Variants in ZNF74 observed in about 807,000 individuals in gnomAD.
ZNF74 encodes zinc finger protein 520.
In ZNF74, 12 loss-of-function variants were observed where a neutral mutation model predicts 17.7. That is an observed-to-expected ratio of 0.68 (90% CI 0.43 to 1.10). ZNF74 has a LOEUF of 1.10. Among genes scored for constraint, ZNF74 ranks in the 50% least tolerant of loss-of-function variants. The probability of loss-of-function intolerance (pLI) is 0.00; values close to 1 mark genes in which losing one functional copy is unlikely to be tolerated. For synonymous variants in ZNF74, 358 were observed against 362.1 expected, an observed-to-expected ratio of 0.99 and a Z score of 0.13; for missense variants, 811 against 881.0, an observed-to-expected ratio of 0.92 and a Z score of 1.01.
rs1186650577 is a variant in ZNF74 at position 20,405,552 on chromosome 22, C to A, written c.519C>A (p.Asp173Glu). The A allele has an allele frequency of 1.2e-6, 2 of 1,608,176 alleles. No homozygotes were observed. The highest frequency in any genetic ancestry group is 1.3e-5 in the African/African-American group (1 of 74,880). ...CGCCCGCACCTGCCATGGTCTGGGA[C>A]GTCCCTGTAGAGGAATTCCCCCTCA... ...PWAPAPAMVW[D>E]VPVEEFPLRC... is the part of the protein sequence containing the mutation. Residue 173 changes from aspartate (D) to glutamate (E), a missense_variant, in exon 5 of 5, where the codon GAC becomes GAA. Physicochemically the swap from Asp to Glu is conservative, Grantham distance 45 (BLOSUM62 2). Around this residue, in one of 3 missense-constraint regions of ZNF74, gnomAD observed 666 missense variants for 702.3 expected, o/e 0.95. Coordinates refer to ENST00000400451, the MANE Select transcript of ZNF74 (RefSeq NM_003426.4).
chr22:20,396,842 T>C (rs1459480474), intron 2 of ZNF74, among the ~76,000 whole-genome samples: 2 of 152,184 alleles, frequency 1.3e-5, no homozygotes, highest in Non-Finnish European at 2.9e-5. Flanking sequence ...CAGCATCTGA[T>C]TCCAATGCAT....
intron 4 of ZNF74, 73 bp from the exon 5 acceptor site, chr22:20,405,304 G>T: frequency 6.7e-7 from 1 of 1,482,646 alleles, no homozygotes; most frequent in Non-Finnish European, 9.1e-7. Flanking sequence ...TGCATCTCCA[G>T]GCCAATTCTC....
Position 20,405,732 on chromosome 22 carries a change from C to T in ZNF74, c.699C>T (p.Pro233=), listed in dbSNP as rs1202729804. 2 of 1,603,236 alleles carry T rather than the reference C, an allele frequency of 1.2e-6. No individual in the cohort carries two copies. The highest frequency in any genetic ancestry group is 2.7e-5 in the African/African-American group (2 of 74,654). The change falls in exon 5 of 5, where the codon CCC becomes CCT. Residue 233 remains proline, a synonymous_variant. Transcript: ENST00000400451. ...CGCCAAGTGAGCCAGAAAAGTTCCCCCAGGTGCGCCGGCAGCGCGGGGCGG... is the reference window on the plus strand; with the variant it reads ...CGCCAAGTGAGCCAGAAAAGTTCCCTCAGGTGCGCCGGCAGCGCGGGGCGG... ...ASTPSEPEKF[P]QVRRQRGAGA... is the part of the protein sequence containing the mutation.
Position 20,406,152 on chromosome 22 carries a change from A to G in ZNF74, c.1119A>G (p.Thr373=), listed in dbSNP as rs750381739. Residue 373 remains threonine, a synonymous_variant, in exon 5 of 5, where the codon ACA becomes ACG. Transcript: ENST00000400451. ...GECGKAFNQR[T]HLTRHHRIHT... is the part of the protein sequence containing the mutation. ...GCGGCAAGGCCTTCAACCAGCGTAC[A>G]CACCTCACACGCCACCACCGCATCC... 2.5e-6 allele frequency: 4 copies of G among 1,597,668 alleles called. No homozygotes were observed. In the African/African-American group the frequency reaches 4.3e-5, roughly 17 times the overall value.
Position 20,405,681 on chromosome 22 carries a change from A to G in ZNF74, c.648A>G (p.Arg216=). The G allele has an allele frequency of 6.2e-7, 1 of 1,609,890 alleles. No homozygotes were observed. Among genetic ancestry groups the G allele is most frequent in the Admixed American group, 1.7e-5 (1 of 59,404 alleles). Residue 216 remains arginine, a synonymous_variant, in exon 5 of 5, where the codon AGA becomes AGG. Transcript: ENST00000400451. ...AGGGCAGAACCAAGGCCCCCGCGAG[A>G]CTGTGTGCAGGGGAAAACGCCTCCA... ...ATEGRTKAPA[R]LCAGENASTP... is the part of the protein sequence containing the mutation.
chr22:20,406,315 C>G lies in ZNF74; in HGVS notation c.1282C>G (p.Arg428Gly), dbSNP rs748211643. Residue 428 changes from arginine (R) to glycine (G), a missense_variant, in exon 5 of 5, where the codon CGC (arginine) becomes GGC (glycine). Around this residue, in one of 3 missense-constraint regions of ZNF74, gnomAD observed 666 missense variants for 702.3 expected, o/e 0.95. Coordinates refer to ENST00000400451, the MANE Select transcript of ZNF74 (RefSeq NM_003426.4). ...CGACTGCGAGAAGGCCTTCAACAGC[C>G]GCTCGCGCCTCACCCTCCACCAGAG... ...CSDCEKAFNS[R>G]SRLTLHQRTH... 6.8e-6 allele frequency: 11 copies of G among 1,611,708 alleles called. No homozygotes were observed. In the Admixed American group the frequency reaches 1.8e-4, roughly 27 times the overall value.
In ZNF74 at chr22:20,406,892, A is replaced by T. The variant is rs769493924; in HGVS notation, c.1859A>T (p.Asp620Val). The part of the protein sequence containing the change: ...LRDVDPIDAL[D>V]VAKLLCVVPP... ...GACGTGGATCCCATCGACGCGCTGG[A>T]TGTGGCAAAGCTCTTGTGCGTGGTT... The change falls in exon 5 of 5, where the codon GAT (aspartate) becomes GTT (valine). Residue 620 changes from aspartate (D) to valine (V), a missense_variant. Asp to Val is a radical substitution (Grantham distance 152). Around this residue, in one of 3 missense-constraint regions of ZNF74, gnomAD observed 115 missense variants for 119.5 expected, o/e 0.96. Coordinates refer to ENST00000400451, the MANE Select transcript of ZNF74 (RefSeq NM_003426.4). 4.3e-6 allele frequency: 7 copies of T among 1,613,896 alleles called. No individual in the cohort carries two copies. The highest frequency in any genetic ancestry group is 5.9e-6 in the Non-Finnish European group (7 of 1,180,032).
At chr22:20,398,435 C>A (rs560336579) in intron 2 of ZNF74, among the ~76,000 whole-genome samples, 1 of 151,940 alleles carries the variant, frequency 6.6e-6, no homozygotes, top group Non-Finnish European at 1.5e-5. Flanking sequence ...CAAACTGCTC[C>A]GCAGTTTGCT....
intron 4 of ZNF74, 48 bp from the exon 5 acceptor site, chr22:20,405,329 G>A: frequency 6.5e-7 from 1 of 1,540,006 alleles, no homozygotes; most frequent in South Asian, 1.3e-5. Context: ...CTGAATTCTA[G>A]GCCAGGTTTC....
Position 20,407,130 on chromosome 22 carries a change from A to C in ZNF74, c.*162A>C. On this transcript the variant is annotated 3_prime_UTR_variant, in exon 5 of 5. Transcript: ENST00000400451. ...CATGCCAGGGTGCCTCCTCTAGTTA[A>C]AGTCAGTCACCTCCCCAGAAGGGCC... is the stretch of plus-strand genomic sequence containing the variant. The C allele has an allele frequency of 8.6e-7, 1 of 1,168,370 alleles. No homozygotes were observed. The highest frequency in any genetic ancestry group is 1.2e-6 in the Non-Finnish European group (1 of 858,164). The allele number at this position is 1,168,370 out of a possible 1,614,324, so 72.4% of individuals were successfully genotyped here. A position where few individuals can be genotyped will look rare whatever the true frequency, so the allele number is the denominator to read the frequency against.
rs1569097089 is a variant in ZNF74, at chr22:20,406,405, T to C, written c.1372T>C (p.Tyr458His). 1.9e-6 allele frequency: 3 copies of C among 1,612,410 alleles called. No individual in the cohort carries two copies. The South Asian group carries it at 3.3e-5, about 18-fold the overall frequency. ...DCGKGFSCHA[Y>H]LLVHRRIHSG... ...CGGGAAGGGCTTCAGCTGCCACGCG[T>C]ACCTGCTCGTGCACCGGCGCATCCA... The change falls in exon 5 of 5, where the codon TAC (tyrosine) becomes CAC (histidine). Residue 458 changes from tyrosine to histidine, a missense_variant. This residue lies in a region of ZNF74 where 666 missense variants were observed against 702.3 expected (regional missense o/e 0.95). Coordinates refer to ENST00000400451, the MANE Select transcript of ZNF74 (RefSeq NM_003426.4).
chr22:20,394,165 C>A lies in ZNF74; in HGVS notation c.-464C>A. 1 of 617,108 alleles carries A rather than the reference C, an allele frequency of 1.6e-6. No homozygotes were observed. The highest frequency in any genetic ancestry group is 2.9e-6 in the Non-Finnish European group (1 of 340,940). 38.2% of individuals were successfully genotyped at this position (617,108 alleles called of 1,614,324 possible). On this transcript the variant is annotated 5_prime_UTR_variant, in exon 1 of 5. The change creates a new upstream start codon in the 5' untranslated region. Coordinates refer to ENST00000400451, the MANE Select transcript of ZNF74 (RefSeq NM_003426.4). ...CGCGCTTTCCCGCAGCGGCCGCCTG[C>A]TGCTCTTTGTGGCAGTCGCAGTCCT...
Position 20,394,611 on chromosome 22 carries a change from G to A in ZNF74, c.-18G>A. On this transcript the variant is annotated 5_prime_UTR_variant, in exon 1 of 5. Transcript: ENST00000400451. ...TACACAGCTGCCCACTCCTCCTGGG[G>A]AGGCTGCCGTGGAGGCCATGGAGAT... The A allele has an allele frequency of 6.2e-7, 1 of 1,614,122 alleles. No individual in the cohort carries two copies.
chr22:20,405,804 C>T lies in ZNF74; in HGVS notation c.771C>T (p.Phe257=). The change falls in exon 5 of 5, where the codon TTC becomes TTT. Residue 257 remains phenylalanine (F), a synonymous_variant. Transcript: ENST00000400451. The part of the protein sequence containing the change: ...EFVCGECGKA[F]RQSSSLTLHR... ...TGTGCGGCGAGTGCGGGAAGGCGTTCCGCCAGAGCTCCTCCCTCACGCTGC... is the reference window on the plus strand; with the variant it reads ...TGTGCGGCGAGTGCGGGAAGGCGTTTCGCCAGAGCTCCTCCCTCACGCTGC... The T allele has an allele frequency of 6.2e-7, 1 of 1,612,584 alleles. No homozygotes were observed. Among genetic ancestry groups the T allele is most frequent in the Non-Finnish European group, 8.5e-7 (1 of 1,179,728 alleles).
At chr22:20,396,256 C>T (rs995470082) in intron 2 of ZNF74, among the ~76,000 whole-genome samples, 6 of 151,056 alleles carry the variant, frequency 4.0e-5, no homozygotes, top group Admixed American at 3.3e-4. Flanking sequence ...AGCTGCAAAA[C>T]GTGTATTGTG....
Position 20,406,185 on chromosome 22 carries a change from C to A in ZNF74, c.1152C>A (p.Gly384=), listed in dbSNP as rs370727566. The A allele has an allele frequency of 1.2e-6, 2 of 1,613,408 alleles. No individual in the cohort carries two copies. The highest frequency in any genetic ancestry group is 1.3e-5 in the African/African-American group (1 of 74,872). Residue 384 remains glycine (G), a synonymous_variant, in exon 5 of 5, where the codon GGC becomes GGA. Transcript: ENST00000400451. ...HLTRHHRIHT[G]EKPYQCGSCG... is the part of the protein sequence containing the mutation. ...CACGCCACCACCGCATCCACACGGG[C>A]GAGAAGCCCTACCAGTGCGGCTCCT... is the stretch of plus-strand genomic sequence containing the variant.
rs750614730 is a variant in ZNF74 at position 20,405,867 on chromosome 22, C to T, written c.834C>T (p.Cys278=). 5 of 1,613,798 alleles carry T rather than the reference C, an allele frequency of 3.1e-6. No individual in the cohort carries two copies. Among genetic ancestry groups the T allele is most frequent in the East Asian group, 2.2e-5 (1 of 44,878 alleles). ...RWHSREKAYK[C]DECGKAFTWS... ...ACAGCCGGGAGAAGGCTTACAAGTG[C>T]GATGAATGCGGCAAGGCCTTCACCT... The change falls in exon 5 of 5, where the codon TGC becomes TGT. Residue 278 remains cysteine, a synonymous_variant. Transcript: ENST00000400451.
chr22:20,397,289 C>T (rs943604248), intron 2 of ZNF74, among the ~76,000 whole-genome samples: 1 of 152,206 alleles, frequency 6.6e-6, no homozygotes, highest in Non-Finnish European at 1.5e-5. Context: ...TATCGTCATC[C>T]TTCATGCCTG....
chr22:20,395,284 C>G, intron 1 of ZNF74, 49 bp from the exon 2 acceptor site: 1 of 1,455,228 alleles, frequency 6.9e-7, no homozygotes, highest in Non-Finnish European at 9.5e-7. Flanking sequence ...GCTTTAAGCT[C>G]AGCCGTGAGC....
Sources: allele counts gnomAD v4.1 joint callset (sites outside exome capture counted in the v4.1 genomes callset), GRCh38; gene constraint gnomAD v4.1.1; regional missense constraint gnomAD v4.1.1; transcripts MANE v1.5; gene names NCBI Gene and HGNC (gene_info 2026-07-23, HGNC 2026-07-21).